The following CPEB1 variants were observed in gnomAD, a reference collection of about 807,000 sequenced individuals.
CPEB1 encodes cytoplasmic polyadenylation element-binding protein 1.
Under a neutral mutation model 65.8 loss-of-function variants are expected in CPEB1, and 7 were observed. That is an observed-to-expected ratio of 0.11 (90% CI 0.06 to 0.20). CPEB1 has a LOEUF of 0.20. Among genes scored for constraint, CPEB1 ranks in the 10% least tolerant of loss-of-function variants. The pLI is 1.00. For synonymous variants in CPEB1, 262 were observed against 260.0 expected, an observed-to-expected ratio of 1.01 and a Z score of -0.08; for missense variants, 551 against 712.2, an observed-to-expected ratio of 0.77 and a Z score of 2.58.
At chr15:82,576,783 G>A (rs1255596977) in intron 3 of CPEB1, among the ~76,000 whole-genome samples, 1 of 152,192 alleles carries the variant, frequency 6.6e-6, no homozygotes, top group Non-Finnish European at 1.5e-5. Context: ...AGCACTTTGT[G>A]AGGCCAACGC....
intron 3 of CPEB1, among the ~76,000 whole-genome samples, chr15:82,580,443 C>T (rs2041169268): frequency 6.6e-6 from 1 of 152,038 alleles, no homozygotes; most frequent in Non-Finnish European, 1.5e-5. Context: ...TGTAAATCTA[C>T]AGTTTCACTT....
chr15:82,596,011 A>G (rs2042638049), intron 3 of CPEB1, among the ~76,000 whole-genome samples: 1 of 152,246 alleles, frequency 6.6e-6, no homozygotes, highest in South Asian at 2.1e-4. Flanking sequence ...TGCAGTCAGT[A>G]AAATCTGTAC....
At position 82,637,942 on chromosome 15, in the gene CPEB1, C is replaced by T. The variant is rs1234217472; in HGVS notation, c.-98+9195G>A. The T allele has an allele frequency of 1.1e-5, 5 of 450,046 alleles. No homozygotes were observed. The Admixed American group carries it at 1.2e-4, about 11-fold the overall frequency. 27.9% of individuals were successfully genotyped at this position (450,046 alleles called of 1,614,324 possible). On this transcript the variant is annotated intron_variant, in intron 1 of 12. Coordinates refer to ENST00000684509, the MANE Select transcript of CPEB1 (RefSeq NM_001365242.1). ...TATTAACCATTAAAAAAACCTATTA[C>T]ATATTAACACAATGATTTTCCAAGA...
At chr15:82,567,551 G>T (rs768678215) in intron 4 of CPEB1, among the ~76,000 whole-genome samples, 8 of 151,956 alleles carry the variant, frequency 5.3e-5, no homozygotes, top group Non-Finnish European at 1.0e-4. Context: ...GCAGAGGATT[G>T]CTTGAACCCG....
intron 8 of CPEB1, among the ~76,000 whole-genome samples, chr15:82,552,898 G>A (rs1404010751): frequency 6.6e-6 from 1 of 152,214 alleles, no homozygotes; most frequent in East Asian, 1.9e-4. Flanking sequence ...GCATGTTCAG[G>A]TCAGCAGAGC....
At chr15:82,623,871 A>G (rs1208705693) in intron 3 of CPEB1, among the ~76,000 whole-genome samples, 1 of 152,052 alleles carries the variant, frequency 6.6e-6, no homozygotes, top group African/African-American at 2.4e-5. Context: ...GTAGTCTTCT[A>G]TAAACATTAT....
chr15:82,643,601 C>T lies in CPEB1; in HGVS notation c.-98+3536G>A, dbSNP rs141421865. Among the ~76,000 whole-genome samples the T allele has an allele frequency of 3.5e-3, 528 of 151,186 alleles. 4 individuals carry two copies. The highest frequency in any genetic ancestry group is 0.013 in the African/African-American group (515 of 41,042). ...CCGAGATTGTGCCACTGCACTCCAGCTTGGGCAACAGAGTCTCCATCTCAA... is the reference window on the plus strand; with the variant it reads ...CCGAGATTGTGCCACTGCACTCCAGTTTGGGCAACAGAGTCTCCATCTCAA... On this transcript the variant is annotated intron_variant, in intron 1 of 12. Transcript: ENST00000684509.
At chr15:82,571,788 G>A (rs2040070603) in intron 3 of CPEB1, 2 of 1,265,670 alleles carry the variant, frequency 1.6e-6, no homozygotes, top group African/African-American at 1.5e-5. Context: ...TGATCAGGCT[G>A]CTGATGCTTC....
At chr15:82,606,771 T>G (rs1318929877) in intron 3 of CPEB1, among the ~76,000 whole-genome samples, 1 of 47,228 alleles carries the variant, frequency 2.1e-5, no homozygotes, top group Non-Finnish European at 4.0e-5. Context: ...TGAGCCGAGA[T>G]CCCGCCACTG....
At chr15:82,573,318 T>A in intron 3 of CPEB1, 1 of 698,766 alleles carries the variant, frequency 1.4e-6, no homozygotes, top group Non-Finnish European at 2.3e-6. Context: ...TTGCTCCCTA[T>A]CTGTGTTTGT....
At chr15:82,613,626 C>T (rs971255062) in intron 3 of CPEB1, among the ~76,000 whole-genome samples, 6 of 152,162 alleles carry the variant, frequency 3.9e-5, no homozygotes, top group African/African-American at 1.4e-4. Flanking sequence ...TCCCCAAGTG[C>T]TGGGATTATA....
intron 1 of CPEB1, among the ~76,000 whole-genome samples, chr15:82,635,649 G>A (rs367696737): frequency 2.6e-5 from 4 of 151,924 alleles, no homozygotes; most frequent in African/African-American, 7.3e-5. Context: ...TGAGATTACA[G>A]ATATGTATAT....
chr15:82,647,664 T>G, upstream of CPEB1: 1 of 381,702 alleles, frequency 2.6e-6, no homozygotes, highest in Non-Finnish European at 4.4e-6. Context: ...ACGAGGAGGC[T>G]CCCTGCCCCC....
At chr15:82,598,671 A>G (rs1489472331) in intron 3 of CPEB1, among the ~76,000 whole-genome samples, 2 of 151,790 alleles carry the variant, frequency 1.3e-5, no homozygotes, top group Non-Finnish European at 2.9e-5. Flanking sequence ...CGTAATCCCA[A>G]CTACTTGGGA....
chr15:82,640,154 G>C (rs961899513), intron 1 of CPEB1, among the ~76,000 whole-genome samples: 2 of 152,082 alleles, frequency 1.3e-5, no homozygotes, highest in Non-Finnish European at 2.9e-5. Context: ...ACAGGCGTTT[G>C]TTGTTTTGTC....
chr15:82,551,296 A>T (rs566258448), intron 9 of CPEB1, among the ~76,000 whole-genome samples: 27 of 152,258 alleles, frequency 1.8e-4, no homozygotes, highest in African/African-American at 5.8e-4. Flanking sequence ...GTTTACAGTA[A>T]ATCTGAGCAG....
At chr15:82,617,472 TG>T (rs2044833852) in intron 3 of CPEB1, among the ~76,000 whole-genome samples, 1 of 152,164 alleles carries the variant, frequency 6.6e-6, no homozygotes, top group South Asian at 2.1e-4. Flanking sequence ...TGCCACAGTC[TG>T]GAGGAGCCCA....
intron 1 of CPEB1, among the ~76,000 whole-genome samples, chr15:82,634,976 C>T (rs1318089263): frequency 1.3e-5 from 2 of 152,158 alleles, no homozygotes; most frequent in Non-Finnish European, 2.9e-5. Context: ...GCCTATGCCT[C>T]CTGAGTAGCT....
At chr15:82,620,360 G>A (rs1247291639) in intron 3 of CPEB1, among the ~76,000 whole-genome samples, 1 of 151,744 alleles carries the variant, frequency 6.6e-6, no homozygotes, top group Non-Finnish European at 1.5e-5. Context: ...GGGAGGCGGA[G>A]GATGCAGGGA....
Sources: gnomAD v4.1 joint callset for allele counts (sites outside exome capture counted in the v4.1 genomes callset) on GRCh38, gnomAD v4.1.1 for gene constraint, MANE v1.5 for transcripts, NCBI Gene and HGNC (gene_info 2026-07-23, HGNC 2026-07-21) for gene names.